Variants in NRG3 observed in about 807,000 individuals in gnomAD.
NRG3 encodes pro-neuregulin-3, membrane-bound isoform.
NRG3 carries 31 observed loss-of-function variants against 66.9 expected under a neutral mutation model. The observed-to-expected ratio is 0.46, with a 90% confidence interval of 0.35 to 0.63. NRG3 has a LOEUF of 0.63. Among genes scored for constraint, NRG3 ranks in the 20% least tolerant of loss-of-function variants. The pLI, the probability that NRG3 is intolerant of heterozygous loss-of-function variation, is 0.00. For synonymous variants in NRG3, 393 were observed against 359.4 expected (o/e 1.09, Z -1.06); for missense variants, 910 against 878.9 (o/e 1.04, Z -0.45).
chr10:81,969,367 C>G (rs7084814), intron 1 of NRG3, among the ~76,000 whole-genome samples: 17,236 of 152,176 alleles, frequency 0.11, 1,517 homozygotes, highest in African/African-American at 0.25. Context: ...ATGTCTTGTT[C>G]CCCCTAAAAT....
intron 8 of NRG3, among the ~76,000 whole-genome samples, chr10:82,984,244 A>G (rs899840793): frequency 6.6e-6 from 1 of 152,212 alleles, no homozygotes; most frequent in Admixed American, 6.5e-5. Context: ...GAGGAGACAG[A>G]TTTACTAGCC....
intron 1 of NRG3, among the ~76,000 whole-genome samples, chr10:82,041,307 A>G (rs1436294738): frequency 1.3e-5 from 2 of 151,990 alleles, no homozygotes; most frequent in African/African-American, 2.4e-5. Context: ...GTGCATATGG[A>G]TTAACTTCAC....
intron 4 of NRG3, among the ~76,000 whole-genome samples, chr10:82,906,559 T>C (rs1403242561): frequency 1.3e-5 from 2 of 152,194 alleles, no homozygotes; most frequent in African/African-American, 4.8e-5. Context: ...AAATAAGTTA[T>C]AAATTTTGCC....
chr10:82,984,827 G>T, intron 8 of NRG3: 1 of 1,547,322 alleles, frequency 6.5e-7, no homozygotes, highest in Non-Finnish European at 8.8e-7. Flanking sequence ...ATACAGCTGT[G>T]GTGTGTTGAA....
At chr10:82,291,096 A>G (rs1458084911) in intron 1 of NRG3, among the ~76,000 whole-genome samples, 1 of 152,054 alleles carries the variant, frequency 6.6e-6, no homozygotes, top group Non-Finnish European at 1.5e-5. Flanking sequence ...TATAAAGACA[A>G]TATGTGGATC....
chr10:82,644,714 G>T (rs1438768364), intron 2 of NRG3, among the ~76,000 whole-genome samples: 1 of 152,122 alleles, frequency 6.6e-6, no homozygotes, highest in African/African-American at 2.4e-5. Context: ...GTGTGTCTAT[G>T]GACGGGGATG....
intron 4 of NRG3, among the ~76,000 whole-genome samples, chr10:82,926,236 C>G (rs1378384056): frequency 6.6e-6 from 1 of 152,146 alleles, no homozygotes; most frequent in Non-Finnish European, 1.5e-5. Flanking sequence ...ATAAGTAATT[C>G]AGGAATGATT....
chr10:82,877,824 A>G (rs474541), intron 4 of NRG3, among the ~76,000 whole-genome samples: 95,038 of 152,072 alleles, frequency 0.62, 31,281 homozygotes, highest in African/African-American at 0.84. Context: ...TTTGACACAC[A>G]TGAACATAAA....
At chr10:82,646,400 A>G (rs1227963239) in intron 2 of NRG3, among the ~76,000 whole-genome samples, 6 of 152,162 alleles carry the variant, frequency 3.9e-5, no homozygotes, top group Non-Finnish European at 2.9e-5. Flanking sequence ...ACTGTGTTCC[A>G]ACTTCTAGGA....
intron 1 of NRG3, among the ~76,000 whole-genome samples, chr10:82,078,615 G>T (rs1439813450): frequency 1.3e-5 from 2 of 152,206 alleles, no homozygotes; most frequent in African/African-American, 4.8e-5. Context: ...CTCCCAAAGT[G>T]CTGGGATTAC....
At chr10:82,422,985 A>G (rs1377153904) in intron 2 of NRG3, among the ~76,000 whole-genome samples, 1 of 152,028 alleles carries the variant, frequency 6.6e-6, no homozygotes, top group Non-Finnish European at 1.5e-5. Flanking sequence ...TACTTACCCC[A>G]TATAGTTTTG....
intron 3 of NRG3, among the ~76,000 whole-genome samples, chr10:82,742,735 G>A (rs1336431110): frequency 5.9e-5 from 9 of 152,122 alleles, no homozygotes; most frequent in Admixed American, 5.9e-4. Flanking sequence ...CGCACTGAGG[G>A]ATAGCAGCAG....
intron 3 of NRG3, among the ~76,000 whole-genome samples, chr10:82,778,117 C>T (rs973633585): frequency 6.6e-6 from 1 of 152,142 alleles, no homozygotes; most frequent in African/African-American, 2.4e-5. Context: ...TAGATTGCTT[C>T]AGGCACTGAG....
chr10:82,077,277 GA>G (rs1392347060), intron 1 of NRG3, among the ~76,000 whole-genome samples: 1 of 152,116 alleles, frequency 6.6e-6, no homozygotes, highest in Admixed American at 6.5e-5. Flanking sequence ...AGCACTCTTT[GA>G]CACTTAATCC....
At chr10:82,004,002 C>T (rs1268476792) in intron 1 of NRG3, among the ~76,000 whole-genome samples, 2 of 145,636 alleles carry the variant, frequency 1.4e-5, no homozygotes, top group East Asian at 3.9e-4. Context: ...CACACACACA[C>T]ACACACACAC....
At chr10:82,385,249 G>A (rs754730683) in intron 2 of NRG3, among the ~76,000 whole-genome samples, 6 of 151,876 alleles carry the variant, frequency 4.0e-5, no homozygotes, top group Non-Finnish European at 4.4e-5. Flanking sequence ...GTTTTCTCCC[G>A]TTCTGTTTCT....
chr10:82,178,818 A>G (rs2073217537), intron 1 of NRG3, among the ~76,000 whole-genome samples: 1 of 152,098 alleles, frequency 6.6e-6, no homozygotes, highest in African/African-American at 2.4e-5. Flanking sequence ...TAGCATCTGC[A>G]CCATTTTAGG....
chr10:82,641,344 T>G (rs1386506957), intron 2 of NRG3, among the ~76,000 whole-genome samples: 1 of 152,206 alleles, frequency 6.6e-6, no homozygotes, highest in Non-Finnish European at 1.5e-5. Flanking sequence ...TTTCACAAAG[T>G]GTCTTATTGT....
intron 1 of NRG3, among the ~76,000 whole-genome samples, chr10:81,935,206 G>C (rs1222694874): frequency 1.3e-5 from 2 of 152,130 alleles, no homozygotes; most frequent in African/African-American, 4.8e-5. Flanking sequence ...TCTTTAGAGA[G>C]CTTTAGCCTA....
Sources: gnomAD v4.1 joint callset for allele counts (sites outside exome capture counted in the v4.1 genomes callset) on GRCh38, gnomAD v4.1.1 for gene constraint, MANE v1.5 for transcripts, NCBI Gene and HGNC (gene_info 2026-07-23, HGNC 2026-07-21) for gene names.